TEX48: variants seen among roughly 807,000 people sequenced by gnomAD.
TEX48 encodes testis expressed 48.
TEX48 carries 10 observed loss-of-function variants against 13.2 expected under a neutral mutation model. That is an observed-to-expected ratio of 0.75 (90% CI 0.47 to 1.28). The LOEUF (loss-of-function observed/expected upper bound fraction) is 1.28, where lower values mean the gene tolerates loss of function less well. Among genes scored for constraint, TEX48 ranks in the 50% most tolerant of loss-of-function variants. TEX48 has a pLI of 0.00. For missense variants in TEX48, 116 were observed against 139.4 expected (o/e 0.83, Z 0.84); for synonymous variants, 45 against 52.3 (o/e 0.86, Z 0.60).
Position 114,668,236 on chromosome 9 carries a change from T to C in TEX48, c.229A>G (p.Ser77Gly). 8 of 1,535,680 alleles carry C rather than the reference T, an allele frequency of 5.2e-6. No homozygotes were observed. Among genetic ancestry groups the C allele is most frequent in the Non-Finnish European group, 7.0e-6 (8 of 1,146,888 alleles). Residue 77 changes from serine (S) to glycine (G), a missense_variant, in exon 4 of 5, where the codon AGC (serine) becomes GGC (glycine). Ser to Gly is a moderately conservative substitution (Grantham distance 56, BLOSUM62 0). Transcript: ENST00000436752. ...AACTCACTGCTGCTGGAGGAAGTGCTCTTTTTTGTCTGGATCAGGGGTGTT... is the reference window on the plus strand; with the variant it reads ...AACTCACTGCTGCTGGAGGAAGTGCCCTTTTTTGTCTGGATCAGGGGTGTT... ...SRTPLIQTKK[S>G]TSSSSSEFED...
At position 114,666,461 on chromosome 9, in the gene TEX48, A is replaced by T. The variant is rs1156554199; in HGVS notation, c.*182T>A. 8 of 503,072 alleles carry T rather than the reference A, an allele frequency of 1.6e-5. No individual in the cohort carries two copies. The highest frequency in any genetic ancestry group is 5.9e-5 in the African/African-American group (3 of 50,938). The allele number at this position is 503,072 out of a possible 1,614,324, so 31.2% of individuals were successfully genotyped here. A position where few individuals can be genotyped will look rare whatever the true frequency, so the allele number is the denominator to read the frequency against. On this transcript the variant is annotated 3_prime_UTR_variant, in exon 5 of 5. Transcript: ENST00000436752. ...TGGTGCAATCAAGAACTTTAATTGG[A>T]GGCAGCTCTTCCCATGGTGGCTTTT...
rs1827844518 is a variant in TEX48 at position 114,666,538 on chromosome 9, TCTC to T, written c.*102_*104del. 9.3e-6 allele frequency: 6 copies of T among 646,870 alleles called. No individual in the cohort carries two copies. The highest frequency in any genetic ancestry group is 3.2e-5 in the Admixed American group (1 of 31,584). The allele number at this position is 646,870 out of a possible 1,614,324, so 40.1% of individuals were successfully genotyped here. A position where few individuals can be genotyped will look rare whatever the true frequency, so the allele number is the denominator to read the frequency against. Reference sequence around the variant, plus strand: ...TGGCACAAGGATGGCTCAGATGTCTTCTCCTCCTTCAGGGGAGTTTCCGAATTA... The same window carrying T: ...TGGCACAAGGATGGCTCAGATGTCTTCTCCTTCAGGGGAGTTTCCGAATTA... On this transcript the variant is annotated 3_prime_UTR_variant, in exon 5 of 5. Transcript: ENST00000436752.
Position 114,671,839 on chromosome 9 carries a change from T to C in TEX48, c.-104-12A>G. 8.4e-7 allele frequency: 1 copy of C among 1,189,198 alleles called. No individual in the cohort carries two copies. The highest frequency in any genetic ancestry group is 1.2e-6 in the Non-Finnish European group (1 of 833,338). The allele number at this position is 1,189,198 out of a possible 1,614,324, so 73.7% of individuals were successfully genotyped here. A position where few individuals can be genotyped will look rare whatever the true frequency, so the allele number is the denominator to read the frequency against. On this transcript the variant is annotated splice_polypyrimidine_tract_variant and intron_variant, in intron 1 of 4. Coordinates refer to ENST00000436752, the MANE Select transcript of TEX48 (RefSeq NM_001199233.2). ...GGCTGGGCTGTTTCCTAAGTAAACATAAGACCGTGGCTGAAAAATGCTAGT... is the reference window on the plus strand; with the variant it reads ...GGCTGGGCTGTTTCCTAAGTAAACACAAGACCGTGGCTGAAAAATGCTAGT...
chr9:114,667,626 G>T (rs1827865696), intron 4 of TEX48, among the ~76,000 whole-genome samples: 1 of 152,150 alleles, frequency 6.6e-6, no homozygotes, highest in Admixed American at 6.5e-5. Flanking sequence ...GCCGCCAGGT[G>T]CGGTGGTTAC....
intron 1 of TEX48, among the ~76,000 whole-genome samples, chr9:114,680,992 T>C (rs1328762137): frequency 6.6e-6 from 1 of 152,218 alleles, no homozygotes; most frequent in Non-Finnish European, 1.5e-5. Context: ...ACAAGCACAG[T>C]TCTCCCTTGT....
intron 1 of TEX48, among the ~76,000 whole-genome samples, chr9:114,681,655 ATG>A (rs1440960719): frequency 6.6e-6 from 1 of 152,116 alleles, no homozygotes; most frequent in African/African-American, 2.4e-5. Flanking sequence ...TGCCTAGGGG[ATG>A]TGTGGCACTT....
At chr9:114,677,804 G>A (rs1014576800) in intron 1 of TEX48, among the ~76,000 whole-genome samples, 3 of 151,818 alleles carry the variant, frequency 2.0e-5, no homozygotes, top group African/African-American at 4.8e-5. Context: ...GTAATTTTCA[G>A]GTTTTTGATC....
intron 1 of TEX48, 113 bp from the exon 2 acceptor site, chr9:114,671,940 A>G (rs1016603698): frequency 1.5e-5 from 9 of 590,312 alleles, no homozygotes; most frequent in African/African-American, 3.7e-5. Context: ...GCACATAAAC[A>G]TGCTCAGGTT....
intron 1 of TEX48, among the ~76,000 whole-genome samples, chr9:114,675,179 A>T (rs1207684087): frequency 6.6e-6 from 1 of 152,114 alleles, no homozygotes; most frequent in Non-Finnish European, 1.5e-5. Context: ...ATAAACTAGC[A>T]TTTATTCTTG....
At chr9:114,680,527 A>G (rs1303330932) in intron 1 of TEX48, among the ~76,000 whole-genome samples, 2 of 152,224 alleles carry the variant, frequency 1.3e-5, no homozygotes, top group African/African-American at 4.8e-5. Flanking sequence ...AATGATTCAA[A>G]GAAAAAATGA....
chr9:114,668,423 C>T (rs555337417), intron 3 of TEX48, 86 bp from the exon 4 acceptor site: 18 of 1,242,386 alleles, frequency 1.4e-5, no homozygotes, highest in African/African-American at 6.0e-5. Context: ...TCTGAAGCAG[C>T]GCACACAGGC....
chr9:114,675,241 AGT>A (rs1828040354), intron 1 of TEX48, among the ~76,000 whole-genome samples: 1 of 152,148 alleles, frequency 6.6e-6, no homozygotes, highest in African/African-American at 2.4e-5. Flanking sequence ...GGTGGGTGGT[AGT>A]TTTTGTGCCA....
intron 3 of TEX48, 136 bp downstream of exon 3, chr9:114,671,247 A>C: frequency 9.4e-7 from 1 of 1,062,682 alleles, no homozygotes; most frequent in South Asian, 1.6e-5. Flanking sequence ...TTAGCCATCC[A>C]ACACCCACCT....
At position 114,671,729 on chromosome 9, in the gene TEX48, G is replaced by C; in HGVS notation, c.-6C>G. The C allele has an allele frequency of 3.3e-6, 5 of 1,535,680 alleles. No individual in the cohort carries two copies. The highest frequency in any genetic ancestry group is 4.4e-6 in the Non-Finnish European group (5 of 1,146,894). On this transcript the variant is annotated 5_prime_UTR_variant, in exon 2 of 5. Coordinates refer to ENST00000436752, the MANE Select transcript of TEX48 (RefSeq NM_001199233.2). ...TACAAAGTTTTCTTACCCATGGAAAGGAGTTGAAACTTCTACTCTGCCAGC... is the reference window on the plus strand; with the variant it reads ...TACAAAGTTTTCTTACCCATGGAAACGAGTTGAAACTTCTACTCTGCCAGC...
Position 114,666,442 on chromosome 9 carries a change from A to G in TEX48, c.*201T>C, listed in dbSNP as rs774228975. 2.0e-6 allele frequency: 1 copy of G among 489,368 alleles called. No individual in the cohort carries two copies. Among genetic ancestry groups the G allele is most frequent in the South Asian group, 3.5e-5 (1 of 28,336 alleles). The allele number at this position is 489,368 out of a possible 1,614,324, so 30.3% of individuals were successfully genotyped here. A position where few individuals can be genotyped will look rare whatever the true frequency, so the allele number is the denominator to read the frequency against. The stretch of plus-strand genomic sequence containing the variant: ...AAGAGAAGGACACATCCTCTGGTGC[A>G]ATCAAGAACTTTAATTGGAGGCAGC... On this transcript the variant is annotated 3_prime_UTR_variant, in exon 5 of 5. Transcript: ENST00000436752.
chr9:114,666,835 A>T, intron 4 of TEX48, 89 bp from the exon 5 acceptor site: 1 of 684,380 alleles, frequency 1.5e-6, no homozygotes, highest in Non-Finnish European at 2.5e-6. Context: ...TCCATTGCTG[A>T]TCATTCCTCA....
chr9:114,673,694 G>T (rs1827994445), intron 1 of TEX48, among the ~76,000 whole-genome samples: 1 of 151,992 alleles, frequency 6.6e-6, no homozygotes, highest in Admixed American at 6.6e-5. Context: ...TCTTTAGAAG[G>T]CCCAGGCTGT....
chr9:114,670,308 A>G (rs967238102), intron 3 of TEX48, among the ~76,000 whole-genome samples: 7 of 152,038 alleles, frequency 4.6e-5, no homozygotes, highest in African/African-American at 1.7e-4. Context: ...AAGGTTCCTG[A>G]TTTTTATTGT....
intron 1 of TEX48, among the ~76,000 whole-genome samples, chr9:114,673,866 C>T (rs1048137882): frequency 4.6e-5 from 7 of 151,480 alleles, no homozygotes; most frequent in Admixed American, 1.3e-4. Flanking sequence ...AGTACAGTGG[C>T]GTGATCACAG....
Sources: gnomAD v4.1 joint callset for allele counts (sites outside exome capture counted in the v4.1 genomes callset) on GRCh38, gnomAD v4.1.1 for gene constraint, MANE v1.5 for transcripts, NCBI Gene and HGNC (gene_info 2026-07-23, HGNC 2026-07-21) for gene names.